PIK3CD: variants seen among roughly 807,000 people sequenced by gnomAD.
PIK3CD encodes phosphatidylinositol 4,5-bisphosphate 3-kinase catalytic subunit delta isoform.
A neutral mutation model predicts 122.9 loss-of-function variants in PIK3CD; 20 were observed. That is an observed-to-expected ratio of 0.16 (90% CI 0.11 to 0.24). The LOEUF is 0.24. Ranked by LOEUF, PIK3CD falls within the 10% of genes least tolerant of loss-of-function variation. PIK3CD has a pLI of 1.00. For synonymous variants in PIK3CD, 596 were observed against 593.4 expected (o/e 1.00, Z -0.06); for missense variants, 787 against 1,406.3 (o/e 0.56, Z 7.04).
intron 1 of PIK3CD, among the ~76,000 whole-genome samples, chr1:9,662,092 G>A (rs1645025845): frequency 6.6e-6 from 1 of 152,172 alleles, no homozygotes; most frequent in African/African-American, 2.4e-5. Context: ...CTTAACCAGG[G>A]AGGCGGAGGT....
At chr1:9,681,711 G>A (rs1645760946) in intron 1 of PIK3CD, among the ~76,000 whole-genome samples, 3 of 152,270 alleles carry the variant, frequency 2.0e-5, no homozygotes, top group South Asian at 2.1e-4. Context: ...AACCTGGCCC[G>A]GATTCTTTTA....
At chr1:9,656,958 AAAAAAT>A (rs1474026051) in intron 1 of PIK3CD, among the ~76,000 whole-genome samples, 1 of 151,694 alleles carries the variant, frequency 6.6e-6, no homozygotes, top group Non-Finnish European at 1.5e-5. Context: ...AAAAAAAAAA[AAAAAAT>A]GTATTCTCTC....
At position 9,720,113 on chromosome 1, in the gene PIK3CD, T is replaced by A; in HGVS notation, c.1341T>A (p.Asp447Glu). 1 of 1,613,216 alleles carries A rather than the reference T, an allele frequency of 6.2e-7. No individual in the cohort carries two copies. The highest frequency in any genetic ancestry group is 8.5e-7 in the Non-Finnish European group (1 of 1,179,960). Residue 447 changes from aspartate to glutamate, a missense_variant and splice_region_variant, in exon 11 of 24, where the codon GAT becomes GAA. Transcript: ENST00000377346. This position sits in a 1 kb window ranked among gnomAD's most constrained non-coding sequence, Gnocchi z 9.0. The stretch of plus-strand genomic sequence containing the variant: ...AACTTCATCTGCCCCTGTGTTCAGA[T>A]GAGAAGGGCGAGCTGCTGAACCCCA... ...RCLYMWPSVP[D>E]EKGELLNPTG...
In PIK3CD at chr1:9,723,042, C is replaced by T. The variant is rs568714433; in HGVS notation, c.2427-83C>T. 5.7e-5 allele frequency: 78 copies of T among 1,375,546 alleles called. 2 individuals carry two copies. The South Asian group carries it at 8.2e-4, about 15-fold the overall frequency. 85.2% of individuals were successfully genotyped at this position (1,375,546 alleles called of 1,614,324 possible). A position where few individuals can be genotyped will look rare whatever the true frequency, so the allele number is the denominator to read the frequency against. On this transcript the variant is annotated intron_variant, in intron 19 of 23. Transcript: ENST00000377346. The surrounding 1 kb of genome is among the most constrained non-coding windows in gnomAD (Gnocchi z 4.9). ...CAGCATCTTCTGTGGCTTTTTGGGG[C>T]ACCATGAGTTTCTGGGGCTCAAGTG...
chr1:9,659,209 C>T (rs565785850), intron 1 of PIK3CD, among the ~76,000 whole-genome samples: 5 of 152,140 alleles, frequency 3.3e-5, no homozygotes, highest in African/African-American at 7.2e-5. Flanking sequence ...AGCTAATGCA[C>T]GCGGGGCTTA....
chr1:9,708,729 A>G lies in PIK3CD; in HGVS notation c.-32-1695A>G, dbSNP rs192770212. ...TTGGACGTGGTGGCAGGCGCCTGTA[A>G]TCCCAGCTACTCGGGAGGCTGAGGC... On this transcript the variant is annotated intron_variant, in intron 2 of 23. Coordinates refer to ENST00000377346, the MANE Select transcript of PIK3CD (RefSeq NM_005026.5). Among the ~76,000 whole-genome samples the G allele has an allele frequency of 4.7e-4, 71 of 151,998 alleles. 1 individual carries two copies. Among genetic ancestry groups the G allele is most frequent in the African/African-American group, 1.7e-3 (69 of 41,532 alleles).
chr1:9,634,214 C>T, the PIK3CD span, among the ~76,000 whole-genome samples: 464 of 140,750 alleles, frequency 3.3e-3, 2 homozygotes, highest in Non-Finnish European at 5.4e-3. Context: ...AGTGCAGTGA[C>T]ATGATCTCAG....
chr1:9,689,960 C>G lies in PIK3CD; in HGVS notation c.-137-1507C>G, dbSNP rs1351789066. On this transcript the variant is annotated intron_variant, in intron 1 of 23. Transcript: ENST00000377346. This position sits in a 1 kb window ranked among gnomAD's most constrained non-coding sequence, Gnocchi z 6.1. ...ACGCTCTCCTCTCCTAATCTGGTTG[C>G]TTCCTTTTGTGCCCCCCGGGGGTCA... Among the ~76,000 whole-genome samples the G allele has an allele frequency of 6.6e-6, 1 of 152,216 alleles. No homozygotes were observed. The highest frequency in any genetic ancestry group is 1.5e-5 in the Non-Finnish European group (1 of 68,020).
At chr1:9,637,360 T>C in the PIK3CD span, among the ~76,000 whole-genome samples, 1 of 152,052 alleles carries the variant, frequency 6.6e-6, no homozygotes, top group African/African-American at 2.4e-5. Context: ...TGAAACTCCA[T>C]CTCTACAACA....
At chr1:9,681,714 T>C (rs2100244361) in intron 1 of PIK3CD, among the ~76,000 whole-genome samples, 1 of 152,296 alleles carries the variant, frequency 6.6e-6, no homozygotes, top group Admixed American at 6.5e-5. Context: ...CTGGCCCGGA[T>C]TCTTTTATAA....
chr1:9,632,295 A>T, the PIK3CD span, among the ~76,000 whole-genome samples: 1 of 152,116 alleles, frequency 6.6e-6, no homozygotes, highest in Non-Finnish European at 1.5e-5. Context: ...TGCAGGCGTG[A>T]GCCACCGCAC....
chr1:9,646,222 G>A, the PIK3CD span, among the ~76,000 whole-genome samples: 1 of 152,150 alleles, frequency 6.6e-6, no homozygotes, highest in African/African-American at 2.4e-5. Context: ...TTTCTCATCC[G>A]TAAATTGGGG....
chr1:9,721,307 G>C, intron 14 of PIK3CD, 59 bp downstream of exon 14: 1 of 1,611,980 alleles, frequency 6.2e-7, no homozygotes, highest in South Asian at 1.1e-5. Flanking sequence ...CTGGCTGCCA[G>C]GACGTGGGCT....
Position 9,720,022 on chromosome 1 carries a change from G to T in PIK3CD, c.1339+5G>T. 6.2e-7 allele frequency: 1 copy of T among 1,613,566 alleles called. No individual in the cohort carries two copies. The highest frequency in any genetic ancestry group is 1.1e-5 in the South Asian group (1 of 91,084). On this transcript the variant is annotated splice_donor_5th_base_variant and intron_variant, in intron 10 of 23. Coordinates refer to ENST00000377346, the MANE Select transcript of PIK3CD (RefSeq NM_005026.5). The surrounding 1 kb of genome is among the most constrained non-coding windows in gnomAD (Gnocchi z 9.0). The stretch of plus-strand genomic sequence containing the variant: ...ACATGTGGCCCTCCGTCCCAGGTCG[G>T]CCCAGGCCCAGGAGGGAGAGGCGTT...
Position 9,710,340 on chromosome 1 carries a change from C to A in PIK3CD, c.-32-84C>A. 9.0e-7 allele frequency: 1 copy of A among 1,109,622 alleles called. No homozygotes were observed. Among genetic ancestry groups the A allele is most frequent in the Non-Finnish European group, 1.4e-6 (1 of 727,612 alleles). The allele number at this position is 1,109,622 out of a possible 1,614,324, so 68.7% of individuals were successfully genotyped here. A position where few individuals can be genotyped will look rare whatever the true frequency, so the allele number is the denominator to read the frequency against. On this transcript the variant is annotated intron_variant, in intron 2 of 23. Transcript: ENST00000377346. This position sits in a 1 kb window ranked among gnomAD's most constrained non-coding sequence, Gnocchi z 4.7. ...TCCTGAGCTTCCTGCTGTCCAAGGACCCCACTGTTTTCCAGGGAGTCCCTT... is the reference window on the plus strand; with the variant it reads ...TCCTGAGCTTCCTGCTGTCCAAGGAACCCACTGTTTTCCAGGGAGTCCCTT...
intron 2 of PIK3CD, among the ~76,000 whole-genome samples, chr1:9,706,620 G>T (rs1489424742): frequency 6.6e-6 from 1 of 152,152 alleles, no homozygotes; most frequent in Non-Finnish European, 1.5e-5. Flanking sequence ...CACACTAAAT[G>T]TAAAACACAC....
At chr1:9,630,984 C>T in the PIK3CD span, among the ~76,000 whole-genome samples, 22 of 152,100 alleles carry the variant, frequency 1.4e-4, no homozygotes, top group African/African-American at 4.8e-4. Context: ...CCCTGCACAC[C>T]GGGACAGAGT....
Position 9,720,686 on chromosome 1 carries a change from G to T in PIK3CD, c.1521+25G>T, listed in dbSNP as rs560074701. 20 of 1,550,082 alleles carry T rather than the reference G, an allele frequency of 1.3e-5. No homozygotes were observed. In the East Asian group the frequency reaches 2.6e-4, roughly 20 times the overall value. The stretch of plus-strand genomic sequence containing the variant: ...GGTGAGTGGGGTGGGGGTGTGGGGT[G>T]GGGGGCATGGAGCCGGCGTGGAACC... On this transcript the variant is annotated intron_variant, in intron 12 of 23. Transcript: ENST00000377346. This position sits in a 1 kb window ranked among gnomAD's most constrained non-coding sequence, Gnocchi z 9.0.
intron 1 of PIK3CD, chr1:9,654,191 T>A: frequency 5.9e-6 from 8 of 1,362,232 alleles, no homozygotes; most frequent in Non-Finnish European, 7.9e-6. Context: ...TTGGCCACAC[T>A]ACTCACTTAG....
Sources: allele counts gnomAD v4.1 joint callset (sites outside exome capture counted in the v4.1 genomes callset), GRCh38; gene constraint gnomAD v4.1.1; non-coding constraint Gnocchi (gnomAD v3.1); transcripts MANE v1.5; gene names NCBI Gene and HGNC (gene_info 2026-07-23, HGNC 2026-07-21).